Variants in PWWP3A observed in about 807,000 individuals in gnomAD.
The protein encoded by PWWP3A is PWWP domain-containing DNA repair factor 3A.
PWWP3A carries 53 observed loss-of-function variants against 79.0 expected under a neutral mutation model. The observed-to-expected ratio is 0.67, with a 90% CI of 0.54 to 0.84. The LOEUF (loss-of-function observed/expected upper bound fraction) is 0.84, where lower values mean the gene tolerates loss of function less well. Among genes scored for constraint, PWWP3A ranks in the 40% least tolerant of loss-of-function variants. PWWP3A has a pLI of 0.00. For missense variants in PWWP3A, 973 were observed against 948.0 expected (o/e 1.03, Z -0.35); for synonymous variants, 443 against 394.4 (o/e 1.12, Z -1.46).
In PWWP3A at chr19:1,356,317, G is replaced by A. The variant is rs780270606; in HGVS notation, c.-69-7G>A. The A allele has an allele frequency of 2.7e-5, 40 of 1,470,484 alleles. 1 individual carries two copies. The East Asian group carries it at 7.7e-4, about 28-fold the overall frequency. 91.1% of individuals were successfully genotyped at this position (1,470,484 alleles called of 1,614,324 possible). A position where few individuals can be genotyped will look rare whatever the true frequency, so the allele number is the denominator to read the frequency against. On this transcript the variant is annotated splice_region_variant and splice_polypyrimidine_tract_variant and intron_variant, in intron 1 of 13. Transcript: ENST00000591337. ...TTGTATAAACCACCGTGCAAATTTC[G>A]TTCCAGGACACATTGGCGTGAGACC...
Position 1,375,147 on chromosome 19 carries a change from C to T in PWWP3A, c.2076-1372C>T, listed in dbSNP as rs188853937. Among the ~76,000 whole-genome samples the T allele has an allele frequency of 9.3e-3, 1,390 of 149,700 alleles. 33 individuals carry two copies. Among genetic ancestry groups the T allele is most frequent in the African/African-American group, 0.032 (1,315 of 40,722 alleles). ...CTGAGGCAGGGGAATCGCTTGAACC[C>T]GGGAGGTGGAGGTTGCAGTGAGCTG... On this transcript the variant is annotated intron_variant, in intron 13 of 13. Coordinates refer to ENST00000591337, the MANE Select transcript of PWWP3A (RefSeq NM_001369789.1).
Position 1,369,815 on chromosome 19 carries a change from T to C in PWWP3A, c.1549+169T>C, listed in dbSNP as rs1418342913. Among the ~76,000 whole-genome samples the C allele has an allele frequency of 6.6e-6, 1 of 152,222 alleles. No homozygotes were observed. Among genetic ancestry groups the C allele is most frequent in the African/African-American group, 2.4e-5 (1 of 41,454 alleles). On this transcript the variant is annotated intron_variant, in intron 11 of 13. Coordinates refer to ENST00000591337, the MANE Select transcript of PWWP3A (RefSeq NM_001369789.1). The surrounding 1 kb of genome is among the most constrained non-coding windows in gnomAD (Gnocchi z 4.0). ...GTTTTGATGTGACCCTGAGGCTCCC[T>C]GGGACCTGGGGCTGCTGGTGTCCAC...
At position 1,368,360 on chromosome 19, in the gene PWWP3A, C is replaced by T. The variant is rs1012229683; in HGVS notation, c.1423-905C>T. The stretch of plus-strand genomic sequence containing the variant: ...TGAGAGCACAGGGTGCCCGCTTCTT[C>T]TTCCTAAGAGTGCGCTCACATCTGC... On this transcript the variant is annotated intron_variant, in intron 9 of 13. Transcript: ENST00000591337. This position sits in a 1 kb window ranked among gnomAD's most constrained non-coding sequence, Gnocchi z 4.7. Among the ~76,000 whole-genome samples, 2 of 152,182 alleles carry T rather than the reference C, an allele frequency of 1.3e-5. No individual in the cohort carries two copies. Among genetic ancestry groups the T allele is most frequent in the Admixed American group, 6.5e-5 (1 of 15,280 alleles).
chr19:1,360,449 C>G lies in PWWP3A; in HGVS notation c.528C>G (p.His176Gln), dbSNP rs1307974388. Reference sequence around the variant, plus strand: ...AGGACCCCGAGTGCAAAGTGGACCACAAGAAGGGGCTCAGGAAAAGTGAAA... The same window carrying G: ...AGGACCCCGAGTGCAAAGTGGACCAGAAGAAGGGGCTCAGGAAAAGTGAAA... ...CEKDPECKVD[H>Q]KKGLRKSENP... The change falls in exon 5 of 14, where the codon CAC (histidine) becomes CAG (glutamine). Residue 176 changes from histidine (H) to glutamine (Q), a missense_variant. By Grantham distance (24) the His-to-Gln change is conservative (BLOSUM62 0). Coordinates refer to ENST00000591337, the MANE Select transcript of PWWP3A (RefSeq NM_001369789.1). The surrounding 1 kb of genome is among the most constrained non-coding windows in gnomAD (Gnocchi z 4.4). 19 of 1,614,102 alleles carry G rather than the reference C, an allele frequency of 1.2e-5. No homozygotes were observed. The highest frequency in any genetic ancestry group is 1.6e-5 in the Non-Finnish European group (19 of 1,180,026).
intron 13 of PWWP3A, among the ~76,000 whole-genome samples, chr19:1,375,977 T>G (rs529529637): frequency 2.6e-5 from 4 of 151,340 alleles, no homozygotes; most frequent in Middle Eastern, 3.4e-3. Context: ...GCCTGGCTAA[T>G]TTTTGTTATT....
At chr19:1,364,444 G>A in intron 6 of PWWP3A, 65 bp from the exon 7 acceptor site, 1 of 1,237,024 alleles carries the variant, frequency 8.1e-7, no homozygotes. Context: ...GTTACACCTG[G>A]TGCTTGATAT....
intron 13 of PWWP3A, among the ~76,000 whole-genome samples, chr19:1,374,846 G>A (rs1001714391): frequency 6.6e-6 from 1 of 152,096 alleles, no homozygotes; most frequent in African/African-American, 2.4e-5. Context: ...GTTTGAGGCT[G>A]TAGTGAGCCA....
chr19:1,365,625 G>T (rs2082112227), intron 7 of PWWP3A, among the ~76,000 whole-genome samples: 1 of 152,250 alleles, frequency 6.6e-6, no homozygotes, highest in African/African-American at 2.4e-5. Flanking sequence ...CGGCGGAGAT[G>T]GAGGCCGGGC....
intron 11 of PWWP3A, 95 bp from the exon 12 acceptor site, chr19:1,370,547 C>G: frequency 8.6e-7 from 1 of 1,167,620 alleles, no homozygotes; most frequent in Non-Finnish European, 1.2e-6. Flanking sequence ...CTGCCCCCAT[C>G]CCTGCCATGT....
At chr19:1,362,223 G>A in intron 5 of PWWP3A, 27 bp from the exon 6 acceptor site, 1 of 1,583,468 alleles carries the variant, frequency 6.3e-7, no homozygotes, top group Non-Finnish European at 8.6e-7. Context: ...CAATGACCAT[G>A]AAAGTCTAAT....
At chr19:1,358,135 C>G in intron 3 of PWWP3A, 1 of 460,410 alleles carries the variant, frequency 2.2e-6, no homozygotes, top group South Asian at 3.7e-5. Context: ...ATAAAAGTCA[C>G]AATTTGAATT....
At chr19:1,374,636 TC>T (rs950938208) in intron 13 of PWWP3A, among the ~76,000 whole-genome samples, 2 of 152,184 alleles carry the variant, frequency 1.3e-5, no homozygotes, top group African/African-American at 2.4e-5. Flanking sequence ...TCTCTTTTGA[TC>T]CAGGGCAGCC....
chr19:1,371,140 C>A, intron 12 of PWWP3A, 62 bp downstream of exon 12: 1 of 1,519,666 alleles, frequency 6.6e-7, no homozygotes. Context: ...TTTTGCAACT[C>A]CGCACGAGGA....
rs2082281568 is a variant in PWWP3A, at chr19:1,372,414, C to G, written c.1987-658C>G. ...CAAAAGTAAAAAATAGGGATGATTT[C>G]TTAATGTCAGGTATGTATTGTGTAT... On this transcript the variant is annotated intron_variant, in intron 12 of 13. Transcript: ENST00000591337. 2.0e-5 allele frequency: 3 copies of G among 152,090 alleles called. No homozygotes were observed. The South Asian group carries it at 6.2e-4, about 31-fold the overall frequency. The allele number at this position is 152,090 out of a possible 1,614,324, so 9.4% of individuals were successfully genotyped here.
chr19:1,355,001 C>CGGCGGTGGCGGA lies in PWWP3A; in HGVS notation c.-199_-198insTGGCGGAGGCGG, dbSNP rs1166384217. On this transcript the variant is annotated 5_prime_UTR_variant, in exon 1 of 14. Transcript: ENST00000591337. ...CCGCGGGGAGCGGCGGCGGCGGCGG[C>CGGCGGTGGCGGA]GGCGGCGGTGGCGGAGGCGGTGAGC... is the stretch of plus-strand genomic sequence containing the variant. 18 of 149,598 alleles carry CGGCGGTGGCGGA rather than the reference C, an allele frequency of 1.2e-4. No individual in the cohort carries two copies. The highest frequency in any genetic ancestry group is 8.8e-4 in the Admixed American group (13 of 14,806). The allele number at this position is 149,598 out of a possible 1,614,324, so 9.3% of individuals were successfully genotyped here.
At chr19:1,366,854 C>T (rs1417484720) in intron 8 of PWWP3A, among the ~76,000 whole-genome samples, 5 of 152,240 alleles carry the variant, frequency 3.3e-5, no homozygotes, top group African/African-American at 7.2e-5. Flanking sequence ...CCAAGTCGAA[C>T]GCGCAGAACC....
At chr19:1,364,131 T>G in intron 6 of PWWP3A, 1 of 524,450 alleles carries the variant, frequency 1.9e-6, no homozygotes, top group Non-Finnish European at 3.8e-6. Flanking sequence ...CACCTCTGTT[T>G]TGTGCCACAC....
At chr19:1,376,457 T>C in intron 13 of PWWP3A, 62 bp from the exon 14 acceptor site, 1 of 1,559,224 alleles carries the variant, frequency 6.4e-7, no homozygotes. Context: ...CCCAGTCCTC[T>C]CTCTCATATT....
chr19:1,369,307 G>C lies in PWWP3A; in HGVS notation c.1465G>C (p.Val489Leu). Reference protein sequence around the residue: ...EDFNQDIGWCVSLITDYRVRL... With the variant: ...EDFNQDIGWCLSLITDYRVRL... Reference sequence around the variant, plus strand: ...CTTCAACCAGGACATCGGCTGGTGTGTCTCCCTCATCACCGACTACAGGGT... The same window carrying C: ...CTTCAACCAGGACATCGGCTGGTGTCTCTCCCTCATCACCGACTACAGGGT... Residue 489 changes from valine (V) to leucine (L), a missense_variant, in exon 10 of 14, where the codon GTC (valine) becomes CTC (leucine). Coordinates refer to ENST00000591337, the MANE Select transcript of PWWP3A (RefSeq NM_001369789.1). This position sits in a 1 kb window ranked among gnomAD's most constrained non-coding sequence, Gnocchi z 4.0. 6.2e-7 allele frequency: 1 copy of C among 1,613,988 alleles called. No homozygotes were observed. Among genetic ancestry groups the C allele is most frequent in the Non-Finnish European group, 8.5e-7 (1 of 1,180,024 alleles).
Sources: gnomAD v4.1 joint callset for allele counts (sites outside exome capture counted in the v4.1 genomes callset) on GRCh38, gnomAD v4.1.1 for gene constraint, Gnocchi (gnomAD v3.1) non-coding constraint, MANE v1.5 for transcripts, NCBI Gene and HGNC (gene_info 2026-07-23, HGNC 2026-07-21) for gene names.